The following FAF1 variants were observed in gnomAD, a reference collection of about 807,000 sequenced individuals.
The protein encoded by FAF1 is FAS-associated factor 1.
A neutral mutation model predicts 92.5 loss-of-function variants in FAF1; 25 were observed. The ratio of observed to expected loss-of-function variants is 0.27; its 90% CI spans 0.20 to 0.38. FAF1 has a LOEUF of 0.38. Among genes scored for constraint, FAF1 ranks in the 10% least tolerant of loss-of-function variants. The pLI, the probability that FAF1 is intolerant of heterozygous loss-of-function variation, is 1.00. For synonymous variants in FAF1, 234 were observed against 273.2 expected, an observed-to-expected ratio of 0.86 and a Z score of 1.42; for missense variants, 636 against 793.3, an observed-to-expected ratio of 0.80 and a Z score of 2.38.
At chr1:50,633,160 G>A (rs1191291635) in intron 8 of FAF1, among the ~76,000 whole-genome samples, 1 of 152,186 alleles carries the variant, frequency 6.6e-6, no homozygotes, top group Non-Finnish European at 1.5e-5. Flanking sequence ...CTGCACTTTG[G>A]ATGGAACAGC....
At chr1:50,631,089 C>T (rs1205026069) in intron 8 of FAF1, among the ~76,000 whole-genome samples, 3 of 152,038 alleles carry the variant, frequency 2.0e-5, no homozygotes, top group Admixed American at 2.0e-4. Flanking sequence ...AGTGCCCAGC[C>T]TCTATTTTCA....
chr1:50,904,137 G>A (rs1644817318), intron 1 of FAF1, among the ~76,000 whole-genome samples: 1 of 152,158 alleles, frequency 6.6e-6, no homozygotes, highest in African/African-American at 2.4e-5. Flanking sequence ...TCCATTGATA[G>A]ATGAATAAAC....
intron 13 of FAF1, among the ~76,000 whole-genome samples, chr1:50,557,585 T>A (rs891090589): frequency 4.6e-5 from 7 of 152,306 alleles, no homozygotes; most frequent in Non-Finnish European, 8.8e-5. Context: ...TCTTTTAGCA[T>A]CTATGCAGAC....
In FAF1 at chr1:50,779,991, G is replaced by GACACACACACACACACAC. The variant is rs57528056; in HGVS notation, c.367+7991_367+8008dup. ...ACAAGCACACATGCACAGACAGACA[G>GACACACACACACACACAC]ACACACACACACACACACACACACA... On this transcript the variant is annotated intron_variant, in intron 4 of 18. Coordinates refer to ENST00000396153, the MANE Select transcript of FAF1 (RefSeq NM_007051.3). Among the ~76,000 whole-genome samples, 10 of 145,526 alleles carry GACACACACACACACACAC rather than the reference G, an allele frequency of 6.9e-5. No individual in the cohort carries two copies. In the South Asian group the frequency reaches 1.1e-3, roughly 16 times the overall value.
At chr1:50,571,113 A>T (rs1367968555) in intron 12 of FAF1, among the ~76,000 whole-genome samples, 1 of 152,226 alleles carries the variant, frequency 6.6e-6, no homozygotes, top group Non-Finnish European at 1.5e-5. Flanking sequence ...ACCCTCAAAA[A>T]GTTGTGGGAA....
At chr1:50,509,866 C>T (rs949232429) in intron 15 of FAF1, among the ~76,000 whole-genome samples, 1 of 151,168 alleles carries the variant, frequency 6.6e-6, no homozygotes, top group Admixed American at 6.6e-5. Context: ...TCAATTTTAT[C>T]TCTAAATTAA....
At chr1:50,680,358 A>G (rs950504710) in intron 7 of FAF1, among the ~76,000 whole-genome samples, 3 of 152,184 alleles carry the variant, frequency 2.0e-5, no homozygotes, top group African/African-American at 7.2e-5. Flanking sequence ...ACTTAGAAAT[A>G]TAATATTCTC....
chr1:50,939,696 C>A (rs1236429529), intron 1 of FAF1, among the ~76,000 whole-genome samples: 4 of 152,060 alleles, frequency 2.6e-5, no homozygotes, highest in African/African-American at 7.2e-5. Context: ...AAGGTATGTT[C>A]CTTCCATGCC....
intron 4 of FAF1, among the ~76,000 whole-genome samples, chr1:50,753,069 T>A (rs910132424): frequency 1.3e-5 from 2 of 152,214 alleles, no homozygotes; most frequent in African/African-American, 4.8e-5. Flanking sequence ...CTAAATTTAA[T>A]AAGTTTAAAC....
At chr1:50,620,840 T>C (rs1274459403) in intron 8 of FAF1, among the ~76,000 whole-genome samples, 1 of 152,268 alleles carries the variant, frequency 6.6e-6, no homozygotes, top group Non-Finnish European at 1.5e-5. Context: ...AGGTGTGCTC[T>C]GTGGTGTGGG....
At chr1:50,865,912 G>A (rs572500159) in intron 1 of FAF1, among the ~76,000 whole-genome samples, 1 of 143,234 alleles carries the variant, frequency 7.0e-6, no homozygotes, top group Admixed American at 6.9e-5. Flanking sequence ...CAAAAGAAAA[G>A]ATCCAACTAA....
intron 2 of FAF1, among the ~76,000 whole-genome samples, chr1:50,815,476 T>C (rs546806447): frequency 1.3e-5 from 2 of 152,332 alleles, no homozygotes; most frequent in South Asian, 4.1e-4. Flanking sequence ...GATGGACACC[T>C]AGATTGATTC....
intron 1 of FAF1, among the ~76,000 whole-genome samples, chr1:50,894,316 A>C (rs536771445): frequency 2.1e-5 from 3 of 144,092 alleles, no homozygotes; most frequent in South Asian, 4.2e-4. Flanking sequence ...AAAAAAAAAA[A>C]AAAAAAAAAA....
intron 4 of FAF1, among the ~76,000 whole-genome samples, chr1:50,761,294 T>C (rs1660316149): frequency 6.6e-6 from 1 of 152,180 alleles, no homozygotes; most frequent in Non-Finnish European, 1.5e-5. Context: ...TCTGAAACTA[T>C]TCCAATCAAT....
chr1:50,782,663 G>A (rs946394157), intron 4 of FAF1, among the ~76,000 whole-genome samples: 1 of 152,124 alleles, frequency 6.6e-6, no homozygotes, highest in Admixed American at 6.5e-5. Context: ...TTACTGGCAT[G>A]AGCTACTGTG....
chr1:50,739,341 T>C (rs566489666), intron 5 of FAF1, among the ~76,000 whole-genome samples: 1 of 152,150 alleles, frequency 6.6e-6, no homozygotes, highest in African/African-American at 2.4e-5. Context: ...TACACGTACA[T>C]GCATATACAT....
intron 9 of FAF1, among the ~76,000 whole-genome samples, chr1:50,588,119 T>A (rs1651328373): frequency 6.6e-6 from 1 of 152,076 alleles, no homozygotes; most frequent in African/African-American, 2.4e-5. Flanking sequence ...AAACCCCATC[T>A]CCACTAAAAA....
chr1:50,885,324 A>ACACACACACACACACACACACACCCT (rs1644651416), intron 1 of FAF1, among the ~76,000 whole-genome samples: 1 of 102,214 alleles, frequency 9.8e-6, no homozygotes, highest in African/African-American at 3.5e-5. Flanking sequence ...ACACACACAC[A>ACACACACACACACACACACACACCCT]CTCTCTCTCT....
intron 2 of FAF1, among the ~76,000 whole-genome samples, chr1:50,813,719 T>A (rs1460223881): frequency 6.6e-6 from 1 of 152,002 alleles, no homozygotes; most frequent in Non-Finnish European, 1.5e-5. Context: ...CGCCTTGACC[T>A]CCCAAAGTGC....
Sources: allele counts gnomAD v4.1 joint callset (sites outside exome capture counted in the v4.1 genomes callset), GRCh38; gene constraint gnomAD v4.1.1; transcripts MANE v1.5; gene names NCBI Gene and HGNC (gene_info 2026-07-23, HGNC 2026-07-21).